MAP3K9: variants seen among roughly 807,000 people sequenced by gnomAD.
MAP3K9 encodes the protein mixed lineage kinase 1 (tyr and ser/thr specificity).
A neutral mutation model predicts 95.8 loss-of-function variants in MAP3K9; 46 were observed. That is an observed-to-expected ratio of 0.48 (90% CI 0.38 to 0.61). The LOEUF is 0.61. MAP3K9 is among the 20% of genes least tolerant of loss of function. The probability of loss-of-function intolerance (pLI) is 0.00; values close to 1 mark genes in which losing one functional copy is unlikely to be tolerated. For synonymous variants in MAP3K9, 533 were observed against 593.8 expected, an observed-to-expected ratio of 0.90 and a Z score of 1.49; for missense variants, 1,296 against 1,474.3, an observed-to-expected ratio of 0.88 and a Z score of 1.98.
At position 70,726,662 on chromosome 14, in the gene MAP3K9, G is replaced by C. The variant is rs1416313454; in HGVS notation, c.*3718C>G. On this transcript the variant is annotated 3_prime_UTR_variant, in exon 12 of 12. Transcript: ENST00000554752. Reference sequence around the variant, plus strand: ...CGGCAGAAGGGCATGGGCCCGACCAGGGCCCCCATTAGTCATGCTCAACCA... The same window carrying C: ...CGGCAGAAGGGCATGGGCCCGACCACGGCCCCCATTAGTCATGCTCAACCA... The C allele has an allele frequency of 6.6e-6, 1 of 152,284 alleles. No homozygotes were observed. Among genetic ancestry groups the C allele is most frequent in the African/African-American group, 2.4e-5 (1 of 41,468 alleles). 9.4% of individuals were successfully genotyped at this position (152,284 alleles called of 1,614,324 possible).
chr14:70,761,031 G>A lies in MAP3K9; in HGVS notation c.972C>T (p.Ser324=). 1 of 1,613,796 alleles carries A rather than the reference G, an allele frequency of 6.2e-7. No homozygotes were observed. Among genetic ancestry groups the A allele is most frequent in the Non-Finnish European group, 8.5e-7 (1 of 1,179,922 alleles). ...AWMAPEVIRA[S]MFSKGSDVWS... ...ACACATCACTGCCTTTGGAAAACAT[G>A]GAGGCCCGGATGACTTCGGGTGCCA... Residue 324 remains serine, a synonymous_variant, in exon 3 of 12, where the codon TCC becomes TCT. Coordinates refer to ENST00000554752, the MANE Select transcript of MAP3K9 (RefSeq NM_001284230.2).
chr14:70,801,547 T>C (rs1170460986), intron 1 of MAP3K9, among the ~76,000 whole-genome samples: 1 of 152,236 alleles, frequency 6.6e-6, no homozygotes, highest in Non-Finnish European at 1.5e-5. Context: ...CCACTGCACC[T>C]GGCCGAGATC....
At chr14:70,801,441 G>A (rs952430686) in intron 1 of MAP3K9, among the ~76,000 whole-genome samples, 1 of 151,402 alleles carries the variant, frequency 6.6e-6, no homozygotes, top group Non-Finnish European at 1.5e-5. Flanking sequence ...ATATAGAGAT[G>A]GGGTTTTGCC....
At chr14:70,740,003 G>C (rs763704458) in intron 7 of MAP3K9, 39 bp downstream of exon 7, 302 of 1,614,102 alleles carry the variant, frequency 1.9e-4, no homozygotes, top group Non-Finnish European at 2.4e-4. Context: ...AGGTGCCCCT[G>C]TGTGTTCTGG....
At position 70,729,672 on chromosome 14, in the gene MAP3K9, G is replaced by C. The variant is rs952027907; in HGVS notation, c.*708C>G. The C allele has an allele frequency of 2.0e-5, 3 of 152,354 alleles. No individual in the cohort carries two copies. The highest frequency in any genetic ancestry group is 1.5e-5 in the Non-Finnish European group (1 of 68,056). The allele number at this position is 152,354 out of a possible 1,614,324, so 9.4% of individuals were successfully genotyped here. On this transcript the variant is annotated 3_prime_UTR_variant, in exon 12 of 12. Transcript: ENST00000554752. Reference sequence around the variant, plus strand: ...GACATACTTCATGAACCTCTTCATTGCAACTTTACTGTATTTTTCCTAACA... The same window carrying C: ...GACATACTTCATGAACCTCTTCATTCCAACTTTACTGTATTTTTCCTAACA...
intron 2 of MAP3K9, among the ~76,000 whole-genome samples, chr14:70,775,616 A>G (rs1462431542): frequency 6.6e-6 from 1 of 152,224 alleles, no homozygotes; most frequent in Non-Finnish European, 1.5e-5. Context: ...CACAGAGCCC[A>G]GCACTAGAAG....
chr14:70,725,950 G>A lies in MAP3K9; in HGVS notation c.*4430C>T, dbSNP rs754385119. 1 of 152,220 alleles carries A rather than the reference G, an allele frequency of 6.6e-6. No individual in the cohort carries two copies. The highest frequency in any genetic ancestry group is 1.5e-5 in the Non-Finnish European group (1 of 68,058). 9.4% of individuals were successfully genotyped at this position (152,220 alleles called of 1,614,324 possible). ...TTTGAAAGTTAGAAGGGCTTCAGGA[G>A]GGAAAGTAGATAGCATCGTCCCCAG... On this transcript the variant is annotated 3_prime_UTR_variant, in exon 12 of 12. Transcript: ENST00000554752.
At chr14:70,790,324 C>T (rs1415455901) in intron 2 of MAP3K9, among the ~76,000 whole-genome samples, 3 of 152,224 alleles carry the variant, frequency 2.0e-5, no homozygotes, top group African/African-American at 7.2e-5. Context: ...CATGCACAGG[C>T]AGACAAACCG....
chr14:70,798,343 C>T (rs1240012758), intron 2 of MAP3K9, among the ~76,000 whole-genome samples: 1 of 151,732 alleles, frequency 6.6e-6, no homozygotes, highest in Non-Finnish European at 1.5e-5. Context: ...CAGTACTTTG[C>T]CTACTTCTCT....
chr14:70,783,895 G>A (rs1344683237), intron 2 of MAP3K9, among the ~76,000 whole-genome samples: 1 of 152,160 alleles, frequency 6.6e-6, no homozygotes, highest in Non-Finnish European at 1.5e-5. Flanking sequence ...CTTTTTGAAT[G>A]TTTATATTAC....
intron 3 of MAP3K9, among the ~76,000 whole-genome samples, chr14:70,754,110 C>A (rs971363561): frequency 6.6e-6 from 1 of 152,188 alleles, no homozygotes; most frequent in African/African-American, 2.4e-5. Flanking sequence ...GATAATTGAA[C>A]TAATATATGT....
chr14:70,771,647 A>T (rs1451783303), intron 2 of MAP3K9, among the ~76,000 whole-genome samples: 3 of 151,854 alleles, frequency 2.0e-5, no homozygotes, highest in Admixed American at 6.6e-5. Context: ...GGAGTCTGTA[A>T]CTCCCTGGAA....
In MAP3K9 at chr14:70,724,520, GT is replaced by G. The variant is rs959146173; in HGVS notation, c.*5859del. 3 of 132,528 alleles carry G rather than the reference GT, an allele frequency of 2.3e-5. No homozygotes were observed. Among genetic ancestry groups the G allele is most frequent in the African/African-American group, 8.0e-5 (3 of 37,650 alleles). The allele number at this position is 132,528 out of a possible 1,614,324, so 8.2% of individuals were successfully genotyped here. On this transcript the variant is annotated 3_prime_UTR_variant, in exon 12 of 12. Coordinates refer to ENST00000554752, the MANE Select transcript of MAP3K9 (RefSeq NM_001284230.2). Reference sequence around the variant, plus strand: ...GAGTGGAGTGAGGCCCTCACCTTGGGTTAAAATTTAAAGGGGTGCCAAAAAA... The same window carrying G: ...GAGTGGAGTGAGGCCCTCACCTTGGGTAAAATTTAAAGGGGTGCCAAAAAA...
At chr14:70,805,040 G>A (rs2054975397) in intron 1 of MAP3K9, among the ~76,000 whole-genome samples, 2 of 152,102 alleles carry the variant, frequency 1.3e-5, no homozygotes, top group African/African-American at 2.4e-5. Context: ...GTCAAGACCT[G>A]GTTTTAAGTA....
chr14:70,723,037 G>T lies in MAP3K9; in HGVS notation c.*7343C>A, dbSNP rs8006539. 46,913 of 151,984 alleles carry T rather than the reference G, an allele frequency of 0.31. 7,462 individuals are homozygous for T. Among genetic ancestry groups the T allele is most frequent in the East Asian group, 0.44 (2,258 of 5,172 alleles). The allele number at this position is 151,984 out of a possible 1,614,324, so 9.4% of individuals were successfully genotyped here. On this transcript the variant is annotated 3_prime_UTR_variant, in exon 12 of 12. Transcript: ENST00000554752. ...TTAGACTATAAGATATCTGGGTTTC[G>T]GTGGGGAGTGCAGGATGAGTAGGGA...
At chr14:70,748,166 CT>C in intron 5 of MAP3K9, among the ~76,000 whole-genome samples, 1 of 152,180 alleles carries the variant, frequency 6.6e-6, no homozygotes, top group Non-Finnish European at 1.5e-5. Context: ...TCTCTTGCCC[CT>C]AGCTACATCC....
chr14:70,732,612 C>A lies in MAP3K9; in HGVS notation c.2757G>T (p.Gly919=). The A allele has an allele frequency of 6.2e-7, 1 of 1,606,940 alleles. No individual in the cohort carries two copies. The highest frequency in any genetic ancestry group is 1.7e-5 in the Admixed American group (1 of 59,260). Residue 919 remains glycine (G), a synonymous_variant, in exon 11 of 12, where the codon GGG becomes GGT. Coordinates refer to ENST00000554752, the MANE Select transcript of MAP3K9 (RefSeq NM_001284230.2). ...PSSHRRTPSD[G]ALKPETLLAS... The stretch of plus-strand genomic sequence containing the variant: ...CTAGGAGAGTCTCTGGCTTAAGGGC[C>A]CCATCAGAAGGAGTCCGCCGGTGAC...
chr14:70,808,729 C>T lies in MAP3K9; in HGVS notation c.406+37G>A, dbSNP rs1279836996. On this transcript the variant is annotated intron_variant, in intron 1 of 11. Transcript: ENST00000554752. ...CCCCGACCGCCCCCCAGGCCTCCGT[C>T]ATTCCCCCTCCCCGCCCGGCCCCGC... 4 of 1,283,502 alleles carry T rather than the reference C, an allele frequency of 3.1e-6. No individual in the cohort carries two copies. The African/African-American group carries it at 4.7e-5, about 15-fold the overall frequency. 79.5% of individuals were successfully genotyped at this position (1,283,502 alleles called of 1,614,324 possible).
chr14:70,733,130 G>T lies in MAP3K9; in HGVS notation c.2239C>A (p.Arg747Ser). The T allele has an allele frequency of 6.2e-7, 1 of 1,613,826 alleles. No homozygotes were observed. The highest frequency in any genetic ancestry group is 1.7e-5 in the Admixed American group (1 of 60,006). Residue 747 changes from arginine (R) to serine (S), a missense_variant, in exon 11 of 12, where the codon CGC becomes AGC. This residue lies in a region of MAP3K9 where 377 missense variants were observed against 417.1 expected (regional missense o/e 0.90). Transcript: ENST00000554752. ...CCGAGCAGAGCCACCTCGCAGCGGC[G>T]GTGGTGGGCACCGCCCCGCTTGAGG... ...NSLKRGGAHH[R>S]RCEVALLGCG...
Sources: gnomAD v4.1 joint callset for allele counts (sites outside exome capture counted in the v4.1 genomes callset) on GRCh38, gnomAD v4.1.1 for gene constraint, gnomAD v4.1.1 regional missense constraint, MANE v1.5 for transcripts, NCBI Gene and HGNC (gene_info 2026-07-23, HGNC 2026-07-21) for gene names.